The following TSHZ2 variants were observed in gnomAD, a reference collection of about 807,000 sequenced individuals.
TSHZ2 encodes the protein teashirt homolog 2.
In TSHZ2, 21 loss-of-function variants were observed where a neutral mutation model predicts 74.4. That is an observed-to-expected ratio of 0.28 (90% CI 0.20 to 0.41). The LOEUF is 0.41. TSHZ2 is among the 10% of genes least tolerant of loss of function. The pLI, the probability that TSHZ2 is intolerant of heterozygous loss-of-function variation, is 1.00. For missense variants in TSHZ2, 1,244 were observed against 1,293.5 expected, an observed-to-expected ratio of 0.96 and a Z score of 0.59; for synonymous variants, 540 against 515.3, an observed-to-expected ratio of 1.05 and a Z score of -0.65.
chr20:52,984,235 T>A (rs1051560182), intron 1 of TSHZ2, among the ~76,000 whole-genome samples: 1 of 152,072 alleles, frequency 6.6e-6, no homozygotes, highest in Non-Finnish European at 1.5e-5. Context: ...ACTGGAGCCT[T>A]GCATCCGAAT....
chr20:53,250,378 A>G (rs952710631), intron 1 of TSHZ2, among the ~76,000 whole-genome samples: 8 of 152,236 alleles, frequency 5.3e-5, no homozygotes, highest in African/African-American at 1.9e-4. Flanking sequence ...TTATTCACTC[A>G]GATCACCCCT....
At chr20:53,147,498 T>A (rs1363535148) in intron 1 of TSHZ2, among the ~76,000 whole-genome samples, 1 of 152,230 alleles carries the variant, frequency 6.6e-6, no homozygotes, top group African/African-American at 2.4e-5. Flanking sequence ...TTAATAATAT[T>A]GTTTAATGAA....
intron 2 of TSHZ2, chr20:53,397,743 T>C (rs962520217): frequency 3.9e-5 from 6 of 152,156 alleles, no homozygotes; most frequent in Non-Finnish European, 5.9e-5. Context: ...CTACCAATGA[T>C]AGACTGGATT....
intron 1 of TSHZ2, among the ~76,000 whole-genome samples, chr20:53,133,042 CTA>C (rs1289401527): frequency 1.3e-5 from 2 of 152,098 alleles, no homozygotes; most frequent in Non-Finnish European, 2.9e-5. Flanking sequence ...GCAGTAATAT[CTA>C]TGTTTTTAAT....
intron 1 of TSHZ2, among the ~76,000 whole-genome samples, chr20:53,122,015 G>T (rs1032593227): frequency 8.5e-5 from 13 of 152,132 alleles, no homozygotes; most frequent in Admixed American, 4.6e-4. Flanking sequence ...GGCTGGGCGT[G>T]GTGGCTTATG....
intron 1 of TSHZ2, among the ~76,000 whole-genome samples, chr20:53,223,911 AC>A (rs1600751400): frequency 1.5e-5 from 2 of 134,342 alleles, no homozygotes; most frequent in East Asian, 1.9e-4. Flanking sequence ...ACACACACAC[AC>A]ACACACACAC....
chr20:53,422,530 G>A (rs1469413741), intron 2 of TSHZ2, among the ~76,000 whole-genome samples: 2 of 152,070 alleles, frequency 1.3e-5, no homozygotes, highest in Non-Finnish European at 2.9e-5. Flanking sequence ...AAAAATCTCA[G>A]AACCACCCCC....
intron 2 of TSHZ2, among the ~76,000 whole-genome samples, chr20:53,369,621 G>A (rs1485270560): frequency 6.6e-6 from 1 of 152,122 alleles, no homozygotes; most frequent in African/African-American, 2.4e-5. Flanking sequence ...TGAGGCAGAA[G>A]AATCACTTGA....
chr20:53,010,408 C>G (rs1459144105), intron 1 of TSHZ2, among the ~76,000 whole-genome samples: 1 of 152,086 alleles, frequency 6.6e-6, no homozygotes, highest in Non-Finnish European at 1.5e-5. Flanking sequence ...ACAACAACAG[C>G]AATAACAAAA....
rs115457546 is a variant in TSHZ2 at position 53,010,262 on chromosome 20, C to T, written c.40+36929C>T. 6.3e-3 allele frequency among the ~76,000 whole-genome samples: 959 copies of T among 152,274 alleles called. 14 individuals carry two copies. The highest frequency in any genetic ancestry group is 0.022 in the African/African-American group (908 of 41,556). On this transcript the variant is annotated intron_variant, in intron 1 of 2. Transcript: ENST00000371497. The stretch of plus-strand genomic sequence containing the variant: ...AGTTTGAGAACATCCCTCTATTCCA[C>T]CCACCACATTGCATCACATGGCAGA...
chr20:53,224,724 C>CCTGTAG (rs1368438701), intron 1 of TSHZ2, among the ~76,000 whole-genome samples: 3 of 151,892 alleles, frequency 2.0e-5, no homozygotes, highest in Non-Finnish European at 2.9e-5. Context: ...GTGGTGGACA[C>CCTGTAG]CTGTAATCCC....
Position 53,457,727 on chromosome 20 carries a change from T to C in TSHZ2, c.*9-29417T>C, listed in dbSNP as rs367625978. Among the ~76,000 whole-genome samples, 969 of 150,024 alleles carry C rather than the reference T, an allele frequency of 6.5e-3. 2 individuals are homozygous for C. Among genetic ancestry groups the C allele is most frequent in the South Asian group, 0.014 (64 of 4,526 alleles). On this transcript the variant is annotated intron_variant, in intron 2 of 2. Transcript: ENST00000371497. ...AGATAGCTCTTATTATTTTGAAATA[T>C]GTCCCATCAATACCTAATTTATTGA...
chr20:53,091,859 C>A (rs1216535209), intron 1 of TSHZ2, among the ~76,000 whole-genome samples: 1 of 152,078 alleles, frequency 6.6e-6, no homozygotes, highest in Non-Finnish European at 1.5e-5. Flanking sequence ...GCCTGGGCAA[C>A]ATAACAAGAG....
At chr20:53,321,545 A>C (rs1239425326) in intron 2 of TSHZ2, among the ~76,000 whole-genome samples, 1 of 151,986 alleles carries the variant, frequency 6.6e-6, no homozygotes, top group East Asian at 1.9e-4. Flanking sequence ...TTAGCCAGGC[A>C]TGGTGGCACA....
chr20:53,042,186 A>C (rs1168665009), intron 1 of TSHZ2, among the ~76,000 whole-genome samples: 1 of 152,246 alleles, frequency 6.6e-6, no homozygotes, highest in East Asian at 1.9e-4. Flanking sequence ...ATTCATAAGC[A>C]TCGAGTGATT....
chr20:53,421,170 C>G (rs1983454884), intron 2 of TSHZ2: 1 of 152,466 alleles, frequency 6.6e-6, no homozygotes, highest in Admixed American at 6.5e-5. Context: ...CTCACTGACT[C>G]CATCTAAAAA....
chr20:53,346,606 C>A (rs531869674), intron 2 of TSHZ2, among the ~76,000 whole-genome samples: 1 of 152,186 alleles, frequency 6.6e-6, no homozygotes, highest in Non-Finnish European at 1.5e-5. Flanking sequence ...TGACCAAAAC[C>A]CTAAGCGTGT....
intron 2 of TSHZ2, chr20:53,397,817 TC>T (rs1982510913): frequency 6.6e-6 from 1 of 152,204 alleles, no homozygotes; most frequent in Non-Finnish European, 1.5e-5. Context: ...TGAGTTCATG[TC>T]CTTTGTAGGG....
chr20:53,476,377 T>C (rs1368285605), intron 2 of TSHZ2, among the ~76,000 whole-genome samples: 8 of 151,392 alleles, frequency 5.3e-5, no homozygotes, highest in African/African-American at 1.9e-4. Context: ...ATAAGTGTAA[T>C]CCAGCATATA....
Sources: gnomAD v4.1 joint callset for allele counts (sites outside exome capture counted in the v4.1 genomes callset) on GRCh38, gnomAD v4.1.1 for gene constraint, MANE v1.5 for transcripts, NCBI Gene and HGNC (gene_info 2026-07-23, HGNC 2026-07-21) for gene names.